The following SGCZ variants were observed in gnomAD, a reference collection of about 807,000 sequenced individuals.
The protein encoded by SGCZ is zeta-sarcoglycan.
SGCZ carries 40 observed loss-of-function variants against 41.3 expected under a neutral mutation model. The ratio of observed to expected loss-of-function variants is 0.97; its 90% CI spans 0.75 to 1.26. SGCZ has a LOEUF of 1.26. Among genes scored for constraint, SGCZ ranks in the 50% most tolerant of loss-of-function variants. The probability of loss-of-function intolerance (pLI) is 0.00; values close to 1 mark genes in which losing one functional copy is unlikely to be tolerated. For synonymous variants in SGCZ, 206 were observed against 137.5 expected (o/e 1.50, Z -3.49); for missense variants, 552 against 369.8 (o/e 1.49, Z -4.04).
chr8:15,171,013 T>C (rs1197049664), intron 1 of SGCZ, among the ~76,000 whole-genome samples: 1 of 151,940 alleles, frequency 6.6e-6, no homozygotes, highest in Non-Finnish European at 1.5e-5. Context: ...ATATTTAGAC[T>C]AACAAACAAA....
intron 3 of SGCZ, among the ~76,000 whole-genome samples, chr8:14,287,770 T>A (rs1312330682): frequency 6.6e-6 from 1 of 152,104 alleles, no homozygotes; most frequent in Non-Finnish European, 1.5e-5. Context: ...GACTAAGAGG[T>A]GTACTTCACA....
chr8:14,378,413 G>T (rs1157620431), intron 2 of SGCZ, among the ~76,000 whole-genome samples: 7 of 152,152 alleles, frequency 4.6e-5, no homozygotes, highest in Admixed American at 4.6e-4. Context: ...GGCAACAAAA[G>T]CCACAATTGA....
At chr8:14,700,507 T>A (rs1809101822) in intron 1 of SGCZ, among the ~76,000 whole-genome samples, 1 of 151,852 alleles carries the variant, frequency 6.6e-6, no homozygotes, top group South Asian at 2.1e-4. Flanking sequence ...ACCTGCTGAG[T>A]ACATGCTCAC....
At chr8:14,791,341 T>C (rs1800945283) in intron 1 of SGCZ, among the ~76,000 whole-genome samples, 1 of 152,112 alleles carries the variant, frequency 6.6e-6, no homozygotes, top group Admixed American at 6.6e-5. Flanking sequence ...TGGATGGCAC[T>C]AGGAGGCTCC....
intron 2 of SGCZ, among the ~76,000 whole-genome samples, chr8:14,461,569 C>T (rs1439446670): frequency 6.6e-6 from 1 of 152,028 alleles, no homozygotes; most frequent in Non-Finnish European, 1.5e-5. Flanking sequence ...ATGCACTGAC[C>T]TAGACGAATC....
chr8:15,153,687 C>T (rs1223337508), intron 1 of SGCZ, among the ~76,000 whole-genome samples: 2 of 152,134 alleles, frequency 1.3e-5, no homozygotes, highest in Non-Finnish European at 2.9e-5. Context: ...CTTGTCCCTG[C>T]TCTCACCATG....
At chr8:14,808,989 C>CA (rs1801650641) in intron 1 of SGCZ, among the ~76,000 whole-genome samples, 1 of 150,302 alleles carries the variant, frequency 6.7e-6, no homozygotes, top group African/African-American at 2.5e-5. Context: ...AACAAAAAAC[C>CA]AAACACCGCA....
At chr8:14,764,103 GA>G (rs1383709597) in intron 1 of SGCZ, among the ~76,000 whole-genome samples, 1 of 152,174 alleles carries the variant, frequency 6.6e-6, no homozygotes, top group East Asian at 1.9e-4. Flanking sequence ...AATGCTTCAA[GA>G]CTAATGGGAA....
intron 1 of SGCZ, among the ~76,000 whole-genome samples, chr8:14,756,955 CTTTG>C (rs1180505353): frequency 1.3e-5 from 2 of 152,170 alleles, no homozygotes; most frequent in Non-Finnish European, 2.9e-5. Context: ...AGAATACTTG[CTTTG>C]TTTGTTTGAG....
At chr8:14,265,007 G>T (rs1003379637) in intron 3 of SGCZ, among the ~76,000 whole-genome samples, 3 of 151,860 alleles carry the variant, frequency 2.0e-5, no homozygotes, top group Admixed American at 6.6e-5. Context: ...AAAAAAACAC[G>T]CCAGATGGCA....
At chr8:14,097,795 A>G (rs569542960) in intron 7 of SGCZ, among the ~76,000 whole-genome samples, 2 of 152,300 alleles carry the variant, frequency 1.3e-5, no homozygotes, top group South Asian at 4.1e-4. Context: ...ATATATATTT[A>G]GGATACTTAG....
chr8:15,027,933 G>C, intron 1 of SGCZ, among the ~76,000 whole-genome samples: 1 of 152,008 alleles, frequency 6.6e-6, no homozygotes, highest in East Asian at 1.9e-4. Context: ...AAAAACCTAT[G>C]AGGTTTGAAT....
intron 2 of SGCZ, among the ~76,000 whole-genome samples, chr8:14,504,502 A>G (rs1274569103): frequency 6.6e-6 from 1 of 152,110 alleles, no homozygotes; most frequent in Non-Finnish European, 1.5e-5. Context: ...TGATTTATTT[A>G]TTTATATTTG....
intron 3 of SGCZ, among the ~76,000 whole-genome samples, chr8:14,271,764 T>C (rs1800067571): frequency 6.6e-6 from 1 of 152,174 alleles, no homozygotes; most frequent in Non-Finnish European, 1.5e-5. Context: ...ACCTCAGCTG[T>C]CCAAGTGAAG....
intron 1 of SGCZ, among the ~76,000 whole-genome samples, chr8:14,825,412 A>T (rs925892428): frequency 2.6e-5 from 4 of 152,184 alleles, no homozygotes; most frequent in African/African-American, 9.7e-5. Flanking sequence ...GAACTCAAAA[A>T]ATATAAAAAT....
chr8:14,204,757 C>T (rs139478052), intron 4 of SGCZ, among the ~76,000 whole-genome samples: 2,156 of 152,258 alleles, frequency 0.014, 37 homozygotes, highest in Middle Eastern at 0.031. Context: ...TATTTTCCTA[C>T]CCTTGGACCT....
rs560980649 is a variant in SGCZ at position 14,327,762 on chromosome 8, C to A, written c.235-3558G>T. ...TTTAAATTAGATAAAACAGAATTCC[C>A]CTCTGTAAATGTAGGACTGTTTTTG... On this transcript the variant is annotated intron_variant, in intron 2 of 7. Coordinates refer to ENST00000382080, the MANE Select transcript of SGCZ (RefSeq NM_139167.4). 2.6e-5 allele frequency among the ~76,000 whole-genome samples: 4 copies of A among 152,110 alleles called. No homozygotes were observed. The East Asian group carries it at 5.8e-4, about 22-fold the overall frequency.
intron 1 of SGCZ, among the ~76,000 whole-genome samples, chr8:15,114,818 T>C (rs965345912): frequency 1.3e-5 from 2 of 151,514 alleles, no homozygotes; most frequent in Non-Finnish European, 2.9e-5. Context: ...CTAAACAGAG[T>C]TGCCCAGACA....
At chr8:14,184,043 T>C (rs1321249868) in intron 4 of SGCZ, among the ~76,000 whole-genome samples, 1 of 152,176 alleles carries the variant, frequency 6.6e-6, no homozygotes, top group Non-Finnish European at 1.5e-5. Flanking sequence ...AGGTAAATGA[T>C]GCTATGTGCA....
Sources: gnomAD v4.1 joint callset for allele counts (sites outside exome capture counted in the v4.1 genomes callset) on GRCh38, gnomAD v4.1.1 for gene constraint, MANE v1.5 for transcripts, NCBI Gene and HGNC (gene_info 2026-07-23, HGNC 2026-07-21) for gene names.